Variants in USP34 observed in about 807,000 individuals in gnomAD.
USP34 encodes ubiquitin specific peptidase 34.
USP34 carries 70 observed loss-of-function variants against 460.3 expected under a neutral mutation model. The ratio of observed to expected loss-of-function variants is 0.15; its 90% CI spans 0.13 to 0.19. USP34 has a LOEUF of 0.19. Ranked by LOEUF, USP34 falls within the 10% of genes least tolerant of loss-of-function variation. The pLI is 1.00. For missense variants in USP34, 3,985 were observed against 4,236.2 expected, an observed-to-expected ratio of 0.94 and a Z score of 1.65; for synonymous variants, 1,647 against 1,405.3, an observed-to-expected ratio of 1.17 and a Z score of -3.85.
At chr2:61,274,700 G>A (rs1458406121) in intron 41 of USP34, among the ~76,000 whole-genome samples, 2 of 152,188 alleles carry the variant, frequency 1.3e-5, no homozygotes, top group Admixed American at 6.5e-5. Flanking sequence ...TAAACGTATA[G>A]TATGTTGGTA....
At position 61,348,343 on chromosome 2, in the gene USP34, G is replaced by A. The variant is rs376391344; in HGVS notation, c.1812C>T (p.Ser604=). The change falls in exon 15 of 80, where the codon AGC becomes AGT. Residue 604 remains serine, a synonymous_variant. Transcript: ENST00000398571. ...CTTCTGACTGTACCTCACTGCCAGG[G>A]CTCCCAGCTGACTGGCTTGCGTGGC... ...NSSHASQSAG[S]PGSEVQSEDI... is the part of the protein sequence containing the mutation. The A allele has an allele frequency of 6.2e-7, 1 of 1,614,054 alleles. No individual in the cohort carries two copies. The highest frequency in any genetic ancestry group is 8.5e-7 in the Non-Finnish European group (1 of 1,180,016).
intron 49 of USP34, 70 bp downstream of exon 49, chr2:61,248,441 T>TATA (rs1688482088): frequency 1.4e-6 from 2 of 1,458,010 alleles, no homozygotes; most frequent in Non-Finnish European, 9.2e-7. Flanking sequence ...ATGACAACTT[T>TATA]ATAATTATGC....
At chr2:61,191,585 G>A (rs1274906075) in intron 76 of USP34, among the ~76,000 whole-genome samples, 1 of 152,118 alleles carries the variant, frequency 6.6e-6, no homozygotes, top group Non-Finnish European at 1.5e-5. Context: ...TCTTGCTCAG[G>A]ATGGCTGCTT....
intron 76 of USP34, chr2:61,190,955 T>C: frequency 4.5e-6 from 1 of 224,150 alleles, no homozygotes; most frequent in African/African-American, 2.3e-5. Flanking sequence ...ACTGAGAGAG[T>C]TAACAAGGAC....
chr2:61,334,274 T>C (rs1174077752), intron 18 of USP34, among the ~76,000 whole-genome samples: 2 of 152,152 alleles, frequency 1.3e-5, no homozygotes. Flanking sequence ...TCATAAGTCA[T>C]TACCATTTTC....
At chr2:61,384,085 A>C (rs1693060644) in intron 5 of USP34, among the ~76,000 whole-genome samples, 1 of 152,170 alleles carries the variant, frequency 6.6e-6, no homozygotes, top group South Asian at 2.1e-4. Context: ...CATAATTTCT[A>C]GTCATTTCAG....
In USP34 at chr2:61,283,188, T is replaced by C; in HGVS notation, c.4955A>G (p.His1652Arg). The C allele has an allele frequency of 6.2e-7, 1 of 1,613,654 alleles. No individual in the cohort carries two copies. Among genetic ancestry groups the C allele is most frequent in the South Asian group, 1.1e-5 (1 of 91,066 alleles). Residue 1652 changes from histidine to arginine, a missense_variant, in exon 37 of 80, where the codon CAT becomes CGT. Coordinates refer to ENST00000398571, the MANE Select transcript of USP34 (RefSeq NM_014709.4). ...LVKSSLADSD[H>R]LQDWLKKLTL... ...CAATTTCTTTAGCCAATCTTGTAAA[T>C]GATCGCTATCAGCAAGGCTAGATTT...
intron 67 of USP34, among the ~76,000 whole-genome samples, chr2:61,218,230 T>C (rs971252544): frequency 2.8e-4 from 42 of 150,860 alleles, no homozygotes; most frequent in African/African-American, 1.0e-3. Flanking sequence ...ACACATCTCT[T>C]TGTTAAGAGC....
chr2:61,459,176 C>T (rs1695524840), intron 1 of USP34, among the ~76,000 whole-genome samples: 1 of 152,016 alleles, frequency 6.6e-6, no homozygotes, highest in African/African-American at 2.4e-5. Flanking sequence ...TCAGGGTCCT[C>T]TTAAAAATTA....
At chr2:61,229,932 G>C (rs533348612) in intron 58 of USP34, among the ~76,000 whole-genome samples, 2 of 152,196 alleles carry the variant, frequency 1.3e-5, no homozygotes, top group South Asian at 4.1e-4. Flanking sequence ...ACAGAGAAAA[G>C]AAAATCTAGT....
chr2:61,200,669 A>T (rs1453027600), intron 75 of USP34: 2 of 152,314 alleles, frequency 1.3e-5, no homozygotes, highest in East Asian at 3.8e-4. Flanking sequence ...CTCAACGTTC[A>T]AATGATTAAA....
chr2:61,405,695 C>T lies in USP34; in HGVS notation c.552+13G>A. On this transcript the variant is annotated intron_variant, in intron 3 of 79. Transcript: ENST00000398571. ...TGGTATTACTTAAAATTCACACCAC[C>T]TATTTTACATACCTCAATAGTAGGG... The T allele has an allele frequency of 6.6e-7, 1 of 1,509,234 alleles. No individual in the cohort carries two copies. The highest frequency in any genetic ancestry group is 8.8e-7 in the Non-Finnish European group (1 of 1,132,442). 93.5% of individuals were successfully genotyped at this position (1,509,234 alleles called of 1,614,324 possible). A position where few individuals can be genotyped will look rare whatever the true frequency, so the allele number is the denominator to read the frequency against.
chr2:61,405,617 C>A (rs930208881), intron 3 of USP34, 91 bp downstream of exon 3: 1 of 1,169,500 alleles, frequency 8.6e-7, no homozygotes, highest in Non-Finnish European at 1.2e-6. Flanking sequence ...TTTCCGCCAG[C>A]AGAAAACTGT....
chr2:61,307,297 A>G (rs1690441149), intron 27 of USP34, among the ~76,000 whole-genome samples: 1 of 122,822 alleles, frequency 8.1e-6, no homozygotes, highest in Non-Finnish European at 1.6e-5. Flanking sequence ...GGGGAACATC[A>G]CACACCGGGG....
At chr2:61,194,164 C>A in intron 75 of USP34, 3 of 985,358 alleles carry the variant, frequency 3.0e-6, no homozygotes, top group South Asian at 4.7e-5. Context: ...TCAGAACTTA[C>A]CAAGGATGCC....
chr2:61,440,416 C>T (rs533097499), intron 1 of USP34, among the ~76,000 whole-genome samples: 3 of 152,188 alleles, frequency 2.0e-5, no homozygotes, highest in East Asian at 1.9e-4. Flanking sequence ...ACAGTGATTG[C>T]GGCTTCCTGT....
At chr2:61,410,944 T>A (rs1297384471) in intron 2 of USP34, among the ~76,000 whole-genome samples, 1 of 151,732 alleles carries the variant, frequency 6.6e-6, no homozygotes, top group African/African-American at 2.4e-5. Context: ...AGGCAGAAAA[T>A]AAGACGACTA....
chr2:61,301,531 G>C, intron 27 of USP34, 77 bp from the exon 28 acceptor site: 3 of 1,238,274 alleles, frequency 2.4e-6, no homozygotes, highest in Admixed American at 3.8e-5. Flanking sequence ...TGTAGTTGTA[G>C]CAATTAAACA....
intron 72 of USP34, 130 bp from the exon 73 acceptor site, chr2:61,204,731 C>T (rs889862756): frequency 3.7e-5 from 25 of 683,068 alleles, no homozygotes; most frequent in South Asian, 3.0e-4. Flanking sequence ...GCTCCTGACA[C>T]GAGTAGAAAT....
Sources: allele counts gnomAD v4.1 joint callset (sites outside exome capture counted in the v4.1 genomes callset), GRCh38; gene constraint gnomAD v4.1.1; transcripts MANE v1.5; gene names NCBI Gene and HGNC (gene_info 2026-07-23, HGNC 2026-07-21).